ATP13A3: variants seen among roughly 807,000 people sequenced by gnomAD.
ATP13A3 encodes polyamine-transporting ATPase 13A3.
Under a neutral mutation model 158.1 loss-of-function variants are expected in ATP13A3, and 59 were observed. The observed-to-expected ratio is 0.37, with a 90% CI of 0.30 to 0.46. The LOEUF is 0.46. Ranked by LOEUF, ATP13A3 falls within the 20% of genes least tolerant of loss-of-function variation. The probability of loss-of-function intolerance (pLI) is 1.00; values close to 1 mark genes in which losing one functional copy is unlikely to be tolerated. For missense variants in ATP13A3, 1,166 were observed against 1,525.2 expected (o/e 0.76, Z 3.92); for synonymous variants, 491 against 504.3 (o/e 0.97, Z 0.35).
At chr3:194,456,640 G>A (rs1441976942) in intron 7 of ATP13A3, among the ~76,000 whole-genome samples, 1 of 152,072 alleles carries the variant, frequency 6.6e-6, no homozygotes, top group Non-Finnish European at 1.5e-5. Context: ...ATAACACAAT[G>A]AAGGAGATTA....
Position 194,427,238 on chromosome 3 carries a change from C to A in ATP13A3, c.2962G>T (p.Ala988Ser). Residue 988 changes from alanine (A) to serine (S), a missense_variant, in exon 29 of 34, where the codon GCC becomes TCC. By Grantham distance (99) the Ala-to-Ser change is moderately conservative. Coordinates refer to ENST00000645319, the MANE Select transcript of ATP13A3 (RefSeq NM_001367549.1). ...CTTTGTGCCACAAGTTCTTTCCAGG[C>A]AGGATTTAAACTCACTATATTGAAA... ...VVVFTMSLNP[A>S]WKELVAQRPP... 1 of 1,604,826 alleles carries A rather than the reference C, an allele frequency of 6.2e-7. No individual in the cohort carries two copies. Among genetic ancestry groups the A allele is most frequent in the Non-Finnish European group, 8.5e-7 (1 of 1,178,002 alleles).
intron 11 of ATP13A3, among the ~76,000 whole-genome samples, chr3:194,449,722 C>T (rs1718675248): frequency 1.3e-5 from 2 of 152,010 alleles, no homozygotes; most frequent in African/African-American, 2.4e-5. Flanking sequence ...CAAGCTCTAC[C>T]TCAAGATTGT....
chr3:194,459,902 G>A lies in ATP13A3; in HGVS notation c.295C>T (p.Pro99Ser). 6.2e-7 allele frequency: 1 copy of A among 1,613,124 alleles called. No homozygotes were observed. The highest frequency in any genetic ancestry group is 8.5e-7 in the Non-Finnish European group (1 of 1,179,508). The change falls in exon 5 of 34, where the codon CCA becomes TCA. Residue 99 changes from proline to serine, a missense_variant. By Grantham distance (74) the Pro-to-Ser change is moderately conservative. Around this residue, in one of 3 missense-constraint regions of ATP13A3, gnomAD observed 104 missense variants for 91.7 expected, o/e 1.13. Transcript: ENST00000645319. ...GAAAGCTTATTAGACATAGATTTTG[G>A]ACTTGAAACTGGGTAAGTTTCCAAA... ...LSLETYPVSSPKSMSNKLSNG... is the reference protein window; with the variant it reads ...LSLETYPVSSSKSMSNKLSNG...
Position 194,437,387 on chromosome 3 carries a change from C to T in ATP13A3, c.1923G>A (p.Val641=), listed in dbSNP as rs1349562179. 2 of 1,614,076 alleles carry T rather than the reference C, an allele frequency of 1.2e-6. No individual in the cohort carries two copies. The highest frequency in any genetic ancestry group is 1.7e-6 in the Non-Finnish European group (2 of 1,180,048). The change falls in exon 19 of 34, where the codon GTG becomes GTA. Residue 641 remains valine, a synonymous_variant. Transcript: ENST00000645319. ...ALQRMSVVAR[V]LGDRKMDAYM... is the part of the protein sequence containing the mutation. ...AGGCGTCCATTTTCCTATCCCCCAGCACCCTGGCAACCACACTCATACGTT... is the reference window on the plus strand; with the variant it reads ...AGGCGTCCATTTTCCTATCCCCCAGTACCCTGGCAACCACACTCATACGTT...
intron 6 of ATP13A3, among the ~76,000 whole-genome samples, chr3:194,458,150 A>G (rs1719373970): frequency 6.6e-6 from 1 of 152,086 alleles, no homozygotes; most frequent in African/African-American, 2.4e-5. Flanking sequence ...TCTTACATAT[A>G]CTTAATTCCA....
intron 1 of ATP13A3, 74 bp from the exon 2 acceptor site, chr3:194,485,909 G>C (rs1720946506): frequency 1.3e-5 from 2 of 152,128 alleles, no homozygotes; most frequent in African/African-American, 4.8e-5. Context: ...CTGAGTTCCT[G>C]CCAATCCCAA....
At chr3:194,491,804 C>T (rs1721149480), upstream of ATP13A3, among the ~76,000 whole-genome samples, 1 of 140,544 alleles carries the variant, frequency 7.1e-6, no homozygotes, top group Non-Finnish European at 1.5e-5. Flanking sequence ...GCCCCCTCAT[C>T]TCTCACCTGG....
At position 194,410,331 on chromosome 3, in the gene ATP13A3, A is replaced by AAAAAAC. The variant is rs869283016; in HGVS notation, c.3573+1867_3573+1868insGTTTTT. Reference sequence around the variant, plus strand: ...AAAAAAAAAAAAAAAAAAAAAAAAAACTGCTGGGCCTGGGATGGCATGCAC... The same window carrying AAAAAAC: ...AAAAAAAAAAAAAAAAAAAAAAAAAAAAAAACCTGCTGGGCCTGGGATGGCATGCAC... On this transcript the variant is annotated intron_variant, in intron 33 of 33. Transcript: ENST00000645319. Among the ~76,000 whole-genome samples, 649 of 132,866 alleles carry AAAAAAC rather than the reference A, an allele frequency of 4.9e-3. 24 individuals carry two copies. The highest frequency in any genetic ancestry group is 8.5e-3 in the Non-Finnish European group (531 of 62,492). The allele number at this position is 132,866 out of a possible 152,430, so 87.2% of individuals were successfully genotyped here.
At chr3:194,421,360 T>C (rs1716358781) in intron 30 of ATP13A3, among the ~76,000 whole-genome samples, 1 of 148,478 alleles carries the variant, frequency 6.7e-6, no homozygotes, top group South Asian at 2.1e-4. Context: ...GAGACCATCC[T>C]GGCTAACACG....
intron 10 of ATP13A3, among the ~76,000 whole-genome samples, chr3:194,453,216 G>C (rs976301918): frequency 6.8e-6 from 1 of 147,428 alleles, no homozygotes; most frequent in Non-Finnish European, 1.5e-5. Flanking sequence ...TTGGGAGGCT[G>C]AGACAGGAGG....
chr3:194,414,770 C>T (rs1406467431), intron 31 of ATP13A3, among the ~76,000 whole-genome samples: 1 of 152,006 alleles, frequency 6.6e-6, no homozygotes, highest in Non-Finnish European at 1.5e-5. Context: ...TACCAAGAAA[C>T]AGAGAAGAAA....
chr3:194,454,777 C>T (rs1719099053), intron 8 of ATP13A3, among the ~76,000 whole-genome samples: 2 of 149,528 alleles, frequency 1.3e-5, no homozygotes, highest in Admixed American at 6.7e-5. Context: ...TGCAGTGAGC[C>T]GAGATCGCGC....
At chr3:194,476,766 G>GTTGT (rs779910830) in intron 2 of ATP13A3, among the ~76,000 whole-genome samples, 68 of 128,728 alleles carry the variant, frequency 5.3e-4, no homozygotes, top group African/African-American at 1.8e-3. Context: ...GTAAGTTGTT[G>GTTGT]TTTTTTTTTT....
chr3:194,433,931 A>T (rs749008889), intron 20 of ATP13A3, 35 bp from the exon 21 acceptor site: 1 of 1,593,676 alleles, frequency 6.3e-7, no homozygotes, highest in South Asian at 1.1e-5. Context: ...ATAATGGTTT[A>T]GTCAATTGAG....
chr3:194,467,304 C>T (rs1720051074), intron 2 of ATP13A3, among the ~76,000 whole-genome samples: 1 of 152,180 alleles, frequency 6.6e-6, no homozygotes, highest in East Asian at 1.9e-4. Context: ...TCATCTTCTA[C>T]AGTTAGACCA....
chr3:194,425,985 C>T (rs1365627082), intron 29 of ATP13A3, among the ~76,000 whole-genome samples: 1 of 152,304 alleles, frequency 6.6e-6, no homozygotes, highest in African/African-American at 2.4e-5. Context: ...TGAGATGTCC[C>T]TCAATATTCT....
intron 33 of ATP13A3, among the ~76,000 whole-genome samples, chr3:194,408,341 A>G (rs2108700916): frequency 6.6e-6 from 1 of 152,336 alleles, no homozygotes; most frequent in South Asian, 2.1e-4. Flanking sequence ...ACTTTTAAGT[A>G]GCACTGTTAG....
chr3:194,435,489 G>C (rs766078701), intron 20 of ATP13A3, among the ~76,000 whole-genome samples: 6 of 152,114 alleles, frequency 3.9e-5, no homozygotes, highest in Non-Finnish European at 7.4e-5. Context: ...AGAGGTCTCG[G>C]TGGAAGAGTA....
upstream of ATP13A3, among the ~76,000 whole-genome samples, chr3:194,490,074 C>T (rs781511853): frequency 3.9e-5 from 6 of 152,200 alleles, no homozygotes; most frequent in Non-Finnish European, 7.3e-5. The surrounding 1 kb of genome is among the most constrained non-coding windows in gnomAD (Gnocchi z 4.4). Context: ...CGTCACTTCT[C>T]AGAAAGGCTA....
Sources: allele counts gnomAD v4.1 joint callset (sites outside exome capture counted in the v4.1 genomes callset), GRCh38; gene constraint gnomAD v4.1.1; regional missense constraint gnomAD v4.1.1; non-coding constraint Gnocchi (gnomAD v3.1); transcripts MANE v1.5; gene names NCBI Gene and HGNC (gene_info 2026-07-23, HGNC 2026-07-21).